The following LRP1 variants were observed in gnomAD, a reference collection of about 807,000 sequenced individuals.
The protein encoded by LRP1 is prolow-density lipoprotein receptor-related protein 1.
In LRP1, 51 loss-of-function variants were observed where a neutral mutation model predicts 541.5. That is an observed-to-expected ratio of 0.09 (90% CI 0.08 to 0.12). The LOEUF is 0.12. Ranked by LOEUF, LRP1 falls within the 10% of genes least tolerant of loss-of-function variation. The pLI is 1.00. For missense variants in LRP1, 3,878 were observed against 6,376.2 expected, an observed-to-expected ratio of 0.61 and a Z score of 13.34; for synonymous variants, 2,219 against 2,470.8, an observed-to-expected ratio of 0.90 and a Z score of 3.02.
At chr12:57,175,149 C>T (rs1477371674) in intron 22 of LRP1, among the ~76,000 whole-genome samples, 1 of 152,112 alleles carries the variant, frequency 6.6e-6, no homozygotes, top group East Asian at 1.9e-4. Context: ...AGCTGGGGCC[C>T]CCGCCCTGGG....
Position 57,185,560 on chromosome 12 carries a change from G to A in LRP1, c.6493G>A (p.Gly2165Arg), listed in dbSNP as rs750545266. The A allele has an allele frequency of 4.0e-5, 63 of 1,590,544 alleles. No individual in the cohort carries two copies. In the East Asian group the frequency reaches 5.6e-4, roughly 14 times the overall value. ...CAACGTGTGCGCGGTGGCCAATGGCGGGTGCCAGCAGCTGTGCCTGTACCG... is the reference window on the plus strand; with the variant it reads ...CAACGTGTGCGCGGTGGCCAATGGCAGGTGCCAGCAGCTGTGCCTGTACCG... ...GTNVCAVANGGCQQLCLYRGR... is the reference protein window; with the variant it reads ...GTNVCAVANGRCQQLCLYRGR... Residue 2165 changes from glycine (G) to arginine (R), a missense_variant, in exon 41 of 89, where the codon GGG becomes AGG. This residue lies in a region of LRP1 where 1,100 missense variants were observed against 1,827.4 expected (regional missense o/e 0.60). Coordinates refer to ENST00000243077, the MANE Select transcript of LRP1 (RefSeq NM_002332.3). The surrounding 1 kb of genome is among the most constrained non-coding windows in gnomAD (Gnocchi z 4.9).
At position 57,212,590 on chromosome 12, in the gene LRP1, C is replaced by A; in HGVS notation, c.*35C>A. On this transcript the variant is annotated 3_prime_UTR_variant, in exon 89 of 89. Coordinates refer to ENST00000243077, the MANE Select transcript of LRP1 (RefSeq NM_002332.3). This position sits in a 1 kb window ranked among gnomAD's most constrained non-coding sequence, Gnocchi z 5.0. ...CCGTCGGACTGCCCCCAGAAAGCCT[C>A]CTGCCCCCTGCCAGTGAAGTCCTTC... 1 of 1,540,308 alleles carries A rather than the reference C, an allele frequency of 6.5e-7. No individual in the cohort carries two copies. Among genetic ancestry groups the A allele is most frequent in the Non-Finnish European group, 8.7e-7 (1 of 1,143,666 alleles).
Position 57,187,470 on chromosome 12 carries a change from T to G in LRP1, c.7031+14T>G. ...CGAGTGCCAGAAGTGAGCTGCTGCCTGGGGATGGGGGTAGCAGGGAGAGGT... is the reference window on the plus strand; with the variant it reads ...CGAGTGCCAGAAGTGAGCTGCTGCCGGGGGATGGGGGTAGCAGGGAGAGGT... On this transcript the variant is annotated intron_variant, in intron 42 of 88. Transcript: ENST00000243077. 3 of 1,608,062 alleles carry G rather than the reference T, an allele frequency of 1.9e-6. No homozygotes were observed. The South Asian group carries it at 3.3e-5, about 18-fold the overall frequency.
At position 57,162,744 on chromosome 12, in the gene LRP1, C is replaced by T; in HGVS notation, c.2405-114C>T. 1 of 1,238,092 alleles carries T rather than the reference C, an allele frequency of 8.1e-7. No individual in the cohort carries two copies. 76.7% of individuals were successfully genotyped at this position (1,238,092 alleles called of 1,614,324 possible). ...TGTTCTTCAACATGATCTTCTTCCT[C>T]TCCATATTTCCTCTTTCTGTCCCCA... On this transcript the variant is annotated intron_variant, in intron 14 of 88. Transcript: ENST00000243077. The surrounding 1 kb of genome is among the most constrained non-coding windows in gnomAD (Gnocchi z 5.2).
rs1303824469 is a variant in LRP1, at chr12:57,180,740, C to T, written c.5460C>T (p.Ser1820=). The stretch of plus-strand genomic sequence containing the variant: ...GCAGCAAGGCTGACGGCTCGGGCTC[C>T]GTGGTCCTTCGGAACAGCACCACCC... ...GTCSKADGSG[S]VVLRNSTTLV... Residue 1820 remains serine (S), a synonymous_variant, in exon 33 of 89, where the codon TCC becomes TCT. Coordinates refer to ENST00000243077, the MANE Select transcript of LRP1 (RefSeq NM_002332.3). The T allele has an allele frequency of 1.2e-6, 2 of 1,614,090 alleles. No homozygotes were observed. The highest frequency in any genetic ancestry group is 2.2e-5 in the South Asian group (2 of 91,088).
chr12:57,194,302 CG>C, intron 48 of LRP1, 51 bp from the exon 49 acceptor site: 1 of 1,500,354 alleles, frequency 6.7e-7, no homozygotes. Flanking sequence ...CTGCCCCAGT[CG>C]GGGGTGATCC....
Position 57,194,018 on chromosome 12 carries a change from T to C in LRP1, c.7918+6T>C, listed in dbSNP as rs750921157. Reference sequence around the variant, plus strand: ...CTCAGATGAGATGAACTGCAGTGAGTGACGCCCTTTGCTGGCACCTCCTGG... The same window carrying C: ...CTCAGATGAGATGAACTGCAGTGAGCGACGCCCTTTGCTGGCACCTCCTGG... On this transcript the variant is annotated splice_donor_region_variant and intron_variant, in intron 48 of 88. Coordinates refer to ENST00000243077, the MANE Select transcript of LRP1 (RefSeq NM_002332.3). 2 of 1,612,702 alleles carry C rather than the reference T, an allele frequency of 1.2e-6. No individual in the cohort carries two copies. Among genetic ancestry groups the C allele is most frequent in the East Asian group, 4.5e-5 (2 of 44,866 alleles).
chr12:57,181,386 C>G, intron 34 of LRP1, 95 bp downstream of exon 34: 4 of 1,451,576 alleles, frequency 2.8e-6, no homozygotes, highest in Non-Finnish European at 3.7e-6. Context: ...ACCTTGGGGA[C>G]AAGACTACAT....
At position 57,154,453 on chromosome 12, in the gene LRP1, C is replaced by G. The variant is rs144022751; in HGVS notation, c.1005-26C>G. 2.3e-4 allele frequency: 373 copies of G among 1,610,030 alleles called. 2 individuals carry two copies. The Middle Eastern group carries it at 9.8e-3, about 42-fold the overall frequency. On this transcript the variant is annotated intron_variant, in intron 7 of 88. Transcript: ENST00000243077. The surrounding 1 kb of genome is among the most constrained non-coding windows in gnomAD (Gnocchi z 4.6). Reference sequence around the variant, plus strand: ...TAAGGAGGGTGCCCAATGTCCAGACCCCATTTAACATGCATCTTCCCACAG... The same window carrying G: ...TAAGGAGGGTGCCCAATGTCCAGACGCCATTTAACATGCATCTTCCCACAG...
Position 57,179,592 on chromosome 12 carries a change from G to A in LRP1, c.4966+36G>A, listed in dbSNP as rs2036120888. 1 of 1,574,334 alleles carries A rather than the reference G, an allele frequency of 6.4e-7. No homozygotes were observed. The highest frequency in any genetic ancestry group is 1.3e-5 in the African/African-American group (1 of 74,162). On this transcript the variant is annotated intron_variant, in intron 29 of 88. Coordinates refer to ENST00000243077, the MANE Select transcript of LRP1 (RefSeq NM_002332.3). The surrounding 1 kb of genome is among the most constrained non-coding windows in gnomAD (Gnocchi z 6.8). ...GCCCTGGATGCCCACCAGTGGACATGGGCACCTCCACCCGCCCCTTGCTCC... is the reference window on the plus strand; with the variant it reads ...GCCCTGGATGCCCACCAGTGGACATAGGCACCTCCACCCGCCCCTTGCTCC...
chr12:57,200,612 T>G, intron 63 of LRP1, 77 bp downstream of exon 63: 1 of 1,538,818 alleles, frequency 6.5e-7, no homozygotes, highest in Non-Finnish European at 9.0e-7. Flanking sequence ...GAATGGCCAC[T>G]GGAGAGGCTG....
chr12:57,205,759 G>A lies in LRP1; in HGVS notation c.11590+82G>A, dbSNP rs1486492122. On this transcript the variant is annotated intron_variant, in intron 75 of 88. Transcript: ENST00000243077. This position sits in a 1 kb window ranked among gnomAD's most constrained non-coding sequence, Gnocchi z 4.6. ...AAACGGGGCCGACTTGGAATGGAAT[G>A]TCTTCCTGCGGACATCTTGCCCAGA... The A allele has an allele frequency of 7.0e-6, 11 of 1,562,304 alleles. No individual in the cohort carries two copies. The highest frequency in any genetic ancestry group is 8.6e-6 in the Non-Finnish European group (10 of 1,156,502).
rs1469497676 is a variant in LRP1 at position 57,204,247 on chromosome 12, G to A, written c.10952-163G>A. 2 of 773,324 alleles carry A rather than the reference G, an allele frequency of 2.6e-6. No homozygotes were observed. Among genetic ancestry groups the A allele is most frequent in the Admixed American group, 3.1e-5 (1 of 31,854 alleles). 47.9% of individuals were successfully genotyped at this position (773,324 alleles called of 1,614,324 possible). A position where few individuals can be genotyped will look rare whatever the true frequency, so the allele number is the denominator to read the frequency against. ...CTCTTCTCCCCTAAATACCAGAGGGGGCAGTTTGGCCCCACCAAGTAGAAA... is the reference window on the plus strand; with the variant it reads ...CTCTTCTCCCCTAAATACCAGAGGGAGCAGTTTGGCCCCACCAAGTAGAAA... On this transcript the variant is annotated intron_variant, in intron 70 of 88. Coordinates refer to ENST00000243077, the MANE Select transcript of LRP1 (RefSeq NM_002332.3). The surrounding 1 kb of genome is among the most constrained non-coding windows in gnomAD (Gnocchi z 5.3).
intron 34 of LRP1, among the ~76,000 whole-genome samples, chr12:57,182,297 G>C (rs957221858): frequency 6.6e-6 from 1 of 150,618 alleles, no homozygotes; most frequent in Non-Finnish European, 1.5e-5. Flanking sequence ...GATCACTTGA[G>C]GTCAGAAGTT....
chr12:57,162,257 A>G lies in LRP1; in HGVS notation c.2203-60A>G. The G allele has an allele frequency of 1.5e-6, 2 of 1,375,094 alleles. No individual in the cohort carries two copies. Among genetic ancestry groups the G allele is most frequent in the Non-Finnish European group, 2.1e-6 (2 of 964,556 alleles). The allele number at this position is 1,375,094 out of a possible 1,614,324, so 85.2% of individuals were successfully genotyped here. A position where few individuals can be genotyped will look rare whatever the true frequency, so the allele number is the denominator to read the frequency against. On this transcript the variant is annotated intron_variant, in intron 13 of 88. Transcript: ENST00000243077. The surrounding 1 kb of genome is among the most constrained non-coding windows in gnomAD (Gnocchi z 5.2). Reference sequence around the variant, plus strand: ...AGACAAATGAATGTACAAAACAGTGATCTCACAGGCCTCCCTCAATTTTCT... The same window carrying G: ...AGACAAATGAATGTACAAAACAGTGGTCTCACAGGCCTCCCTCAATTTTCT...
rs1383317734 is a variant in LRP1, at chr12:57,194,410, C to T, written c.7975C>T (p.Pro2659Ser). ...RLGVKGVLFQ[P>S]CERTSLCYAP... ...GGGCGTGAAGGGCGTGCTCTTCCAG[C>T]CCTGCGAGCGGACCTCACTCTGCTA... The change falls in exon 49 of 89, where the codon CCC (proline) becomes TCC (serine). Residue 2659 changes from proline (P) to serine (S), a missense_variant. Coordinates refer to ENST00000243077, the MANE Select transcript of LRP1 (RefSeq NM_002332.3). 1.3e-5 allele frequency: 20 copies of T among 1,524,576 alleles called. No individual in the cohort carries two copies. Among genetic ancestry groups the T allele is most frequent in the Non-Finnish European group, 1.8e-5 (20 of 1,136,714 alleles). 94.4% of individuals were successfully genotyped at this position (1,524,576 alleles called of 1,614,324 possible). A position where few individuals can be genotyped will look rare whatever the true frequency, so the allele number is the denominator to read the frequency against.
chr12:57,135,973 C>G (rs903747116), intron 1 of LRP1, among the ~76,000 whole-genome samples: 3 of 152,200 alleles, frequency 2.0e-5, no homozygotes, highest in African/African-American at 7.2e-5. Context: ...AGGGCATGGA[C>G]CAAGTCCCAG....
chr12:57,185,409 G>A lies in LRP1; in HGVS notation c.6464-122G>A, dbSNP rs942964686. Reference sequence around the variant, plus strand: ...TTGGCATTGGACTCTGGGCCCTGGAGGGTCATTCAAGCTGGGAATACCGAG... The same window carrying A: ...TTGGCATTGGACTCTGGGCCCTGGAAGGTCATTCAAGCTGGGAATACCGAG... On this transcript the variant is annotated intron_variant, in intron 40 of 88. Coordinates refer to ENST00000243077, the MANE Select transcript of LRP1 (RefSeq NM_002332.3). The surrounding 1 kb of genome is among the most constrained non-coding windows in gnomAD (Gnocchi z 4.9). 22 of 1,362,864 alleles carry A rather than the reference G, an allele frequency of 1.6e-5. No homozygotes were observed. In the Admixed American group the frequency reaches 5.5e-4, roughly 34 times the overall value. The allele number at this position is 1,362,864 out of a possible 1,614,324, so 84.4% of individuals were successfully genotyped here. A position where few individuals can be genotyped will look rare whatever the true frequency, so the allele number is the denominator to read the frequency against.
chr12:57,202,381 C>A, intron 67 of LRP1, 40 bp from the exon 68 acceptor site: 2 of 1,463,490 alleles, frequency 1.4e-6, no homozygotes, highest in Non-Finnish European at 1.9e-6. Context: ...ATGTCTGCCC[C>A]AGCCCTTTCC....
Sources: allele counts gnomAD v4.1 joint callset (sites outside exome capture counted in the v4.1 genomes callset), GRCh38; gene constraint gnomAD v4.1.1; regional missense constraint gnomAD v4.1.1; non-coding constraint Gnocchi (gnomAD v3.1); transcripts MANE v1.5; gene names NCBI Gene and HGNC (gene_info 2026-07-23, HGNC 2026-07-21).